MERTK: variants seen among roughly 807,000 people sequenced by gnomAD.
The protein encoded by MERTK is tyrosine-protein kinase Mer.
A neutral mutation model predicts 99.3 loss-of-function variants in MERTK; 69 were observed. The ratio of observed to expected loss-of-function variants is 0.70; its 90% CI spans 0.57 to 0.85. The LOEUF is 0.85. Among genes scored for constraint, MERTK ranks in the 40% least tolerant of loss-of-function variants. The pLI is 0.00. For missense variants in MERTK, 1,125 were observed against 1,249.4 expected (o/e 0.90, Z 1.50); for synonymous variants, 426 against 467.6 (o/e 0.91, Z 1.15).
In MERTK at chr2:111,920,902, C is replaced by T. The variant is rs111442245; in HGVS notation, c.62-8218C>T. ...AACTCCTGACCTCAGGTGATCTGCC[C>T]GCCTCGGCCTCCCAAAGTGCTGGGA... On this transcript the variant is annotated intron_variant, in intron 1 of 18. Coordinates refer to ENST00000295408, the MANE Select transcript of MERTK (RefSeq NM_006343.3). 4.5e-3 allele frequency among the ~76,000 whole-genome samples: 688 copies of T among 152,214 alleles called. 7 individuals carry two copies. The highest frequency in any genetic ancestry group is 0.015 in the African/African-American group (643 of 41,542).
At chr2:111,930,465 CAAA>C in intron 2 of MERTK, 2 of 140,968 alleles carry the variant, frequency 1.4e-5, no homozygotes, top group Non-Finnish European at 1.5e-5. Flanking sequence ...GACCCTGTCT[CAAA>C]AAAAAAAAAC....
At chr2:111,969,396 A>G (rs540716921) in intron 6 of MERTK, among the ~76,000 whole-genome samples, 5 of 152,300 alleles carry the variant, frequency 3.3e-5, no homozygotes, top group South Asian at 2.1e-4. Context: ...ATTATCCACT[A>G]AAAGTATTAA....
chr2:111,978,561 G>A (rs1676303239), intron 7 of MERTK, among the ~76,000 whole-genome samples: 1 of 152,152 alleles, frequency 6.6e-6, no homozygotes, highest in South Asian at 2.1e-4. Flanking sequence ...CTCCCAAAAT[G>A]TTTATAGGCA....
chr2:111,908,446 G>A (rs1044298502), intron 1 of MERTK, among the ~76,000 whole-genome samples: 2 of 152,036 alleles, frequency 1.3e-5, no homozygotes, highest in Admixed American at 6.6e-5. Context: ...GGAAGTCCCC[G>A]GTCGTTCCTC....
chr2:112,022,547 C>A (rs377524288), intron 18 of MERTK, 153 bp downstream of exon 18: 295 of 1,133,026 alleles, frequency 2.6e-4, no homozygotes, highest in East Asian at 1.2e-4. Flanking sequence ...ACACCCCAGC[C>A]CAGGAGCCAT....
chr2:111,992,290 G>A (rs934331673), intron 8 of MERTK, among the ~76,000 whole-genome samples: 2 of 152,098 alleles, frequency 1.3e-5, no homozygotes, highest in Non-Finnish European at 2.9e-5. Context: ...ATCCAATGGA[G>A]CCTCCATGAA....
chr2:111,901,051 A>G (rs72823476), intron 1 of MERTK, among the ~76,000 whole-genome samples: 5,051 of 152,202 alleles, frequency 0.033, 124 homozygotes, highest in Middle Eastern at 0.092. Flanking sequence ...ACACATACAC[A>G]CTACACGTCT....
intron 1 of MERTK, among the ~76,000 whole-genome samples, chr2:111,899,853 C>A (rs55894106): frequency 0.034 from 5,223 of 151,966 alleles, 112 homozygotes; most frequent in Non-Finnish European, 0.053. Context: ...TGGACTGATA[C>A]GTGGAGGCAA....
At chr2:111,953,911 TC>T (rs2104710887) in intron 4 of MERTK, among the ~76,000 whole-genome samples, 1 of 152,332 alleles carries the variant, frequency 6.6e-6, no homozygotes, top group African/African-American at 2.4e-5. Context: ...TGTGCTCATT[TC>T]TTCCTCTGCC....
intron 6 of MERTK, among the ~76,000 whole-genome samples, chr2:111,968,499 A>G (rs988268866): frequency 6.6e-6 from 1 of 151,722 alleles, no homozygotes; most frequent in African/African-American, 2.4e-5. Context: ...AAGGGAGAAC[A>G]TCATGAGACC....
In MERTK at chr2:111,934,499, G is replaced by A. The variant is rs187993617; in HGVS notation, c.482+4959G>A. ...TAATGATGAGCTTTTTTTCATGTTTGTTGGCCGCATAAATGTCTTCTTTTG... is the reference window on the plus strand; with the variant it reads ...TAATGATGAGCTTTTTTTCATGTTTATTGGCCGCATAAATGTCTTCTTTTG... On this transcript the variant is annotated intron_variant, in intron 2 of 18. Coordinates refer to ENST00000295408, the MANE Select transcript of MERTK (RefSeq NM_006343.3). 3.5e-3 allele frequency among the ~76,000 whole-genome samples: 526 copies of A among 152,074 alleles called. 3 individuals are homozygous for A. Among genetic ancestry groups the A allele is most frequent in the Non-Finnish European group, 5.3e-3 (360 of 67,948 alleles).
chr2:111,931,149 C>T (rs1573579508), intron 2 of MERTK, among the ~76,000 whole-genome samples: 1 of 152,220 alleles, frequency 6.6e-6, no homozygotes, highest in South Asian at 2.1e-4. Context: ...ACAATTACCA[C>T]AGACCTAACT....
chr2:111,921,176 G>A (rs190116658), intron 1 of MERTK, among the ~76,000 whole-genome samples: 7 of 152,218 alleles, frequency 4.6e-5, no homozygotes, highest in Admixed American at 3.3e-4. Context: ...TCTAGGTTCT[G>A]CGTTTTCTCC....
chr2:111,933,127 G>T (rs980894645), intron 2 of MERTK, among the ~76,000 whole-genome samples: 3 of 152,148 alleles, frequency 2.0e-5, no homozygotes, highest in African/African-American at 7.2e-5. Flanking sequence ...TAATTTCTTG[G>T]CAAGAGAGGA....
rs185118842 is a variant in MERTK at position 112,022,274 on chromosome 2, C to T, written c.2366C>T (p.Thr789Ile). 1 of 1,614,206 alleles carries T rather than the reference C, an allele frequency of 6.2e-7. No individual in the cohort carries two copies. Among genetic ancestry groups the T allele is most frequent in the East Asian group, 2.2e-5 (1 of 44,886 alleles). ...TGTTCCCAGTGGGCATTTGGCGTGA[C>T]CATGTGGGAAATAGCTACGCGGGGA... ...SKSDVWAFGV[T>I]MWEIATRGMT... Residue 789 changes from threonine to isoleucine, a missense_variant, in exon 18 of 19, where the codon ACC becomes ATC. Coordinates refer to ENST00000295408, the MANE Select transcript of MERTK (RefSeq NM_006343.3).
rs1573613491 is a variant in MERTK at position 111,975,319 on chromosome 2, TCA to T, written c.992_993del (p.Ser331CysfsTer5). 1 of 1,614,196 alleles carries T rather than the reference TCA, an allele frequency of 6.2e-7. No homozygotes were observed. The highest frequency in any genetic ancestry group is 1.7e-5 in the Admixed American group (1 of 60,028). The part of the protein sequence containing the change: ...VKEADPLSNG[S>X]VMIFNTSALP... ...GGAAGCTGATCCGCTGAGTAATGGC[TCA>T]GTCATGATTTTTAACACCTCTGCCT... On this transcript the variant is annotated frameshift_variant, in exon 7 of 19. Transcript: ENST00000295408. LOFTEE classifies it high-confidence loss of function.
rs749298266 is a variant in MERTK, at chr2:112,003,202, G to C, written c.1786+15G>C. On this transcript the variant is annotated intron_variant, in intron 12 of 18. Coordinates refer to ENST00000295408, the MANE Select transcript of MERTK (RefSeq NM_006343.3). ...TCTGGGTGAAGGTAAGCAATTTAAA[G>C]TAATTCTTTTAAAATGTGGGATAAG... 8.0e-7 allele frequency: 1 copy of C among 1,249,388 alleles called. No homozygotes were observed. The highest frequency in any genetic ancestry group is 1.7e-5 in the Admixed American group (1 of 59,514). The allele number at this position is 1,249,388 out of a possible 1,614,324, so 77.4% of individuals were successfully genotyped here.
In MERTK at chr2:112,028,771, G is replaced by C; in HGVS notation, c.2907G>C (p.Trp969Cys). ...GERLVRNGVS[W>C]SHSSMLPLGS... ...GACTTGTTAGGAATGGGGTCTCCTG[G>C]TCCCATTCGAGCATGCTGCCCTTGG... is the stretch of plus-strand genomic sequence containing the variant. The change falls in exon 19 of 19, where the codon TGG (tryptophan) becomes TGC (cysteine). Residue 969 changes from tryptophan to cysteine, a missense_variant. Trp to Cys is a radical substitution (Grantham distance 215). Transcript: ENST00000295408. 6.2e-7 allele frequency: 1 copy of C among 1,614,100 alleles called. No homozygotes were observed. Among genetic ancestry groups the C allele is most frequent in the Non-Finnish European group, 8.5e-7 (1 of 1,180,034 alleles).
chr2:111,980,114 C>T lies in MERTK; in HGVS notation c.1145-2728C>T, dbSNP rs112696254. On this transcript the variant is annotated intron_variant, in intron 7 of 18. Coordinates refer to ENST00000295408, the MANE Select transcript of MERTK (RefSeq NM_006343.3). ...AAAATTGGTTTCTTTCCTCTGTAGC[C>T]GCTCACTTCCTCTAGAAAAGAAGTG... 4.6e-5 allele frequency among the ~76,000 whole-genome samples: 7 copies of T among 152,284 alleles called. No individual in the cohort carries two copies. The East Asian group carries it at 5.8e-4, about 13-fold the overall frequency.
Sources: allele counts gnomAD v4.1 joint callset (sites outside exome capture counted in the v4.1 genomes callset), GRCh38; gene constraint gnomAD v4.1.1; transcripts MANE v1.5; gene names NCBI Gene and HGNC (gene_info 2026-07-23, HGNC 2026-07-21).